The following PDZD2 variants were observed in gnomAD, a reference collection of about 807,000 sequenced individuals.
The protein encoded by PDZD2 is PDZ domain containing 2.
Under a neutral mutation model 220.7 loss-of-function variants are expected in PDZD2, and 90 were observed. That is an observed-to-expected ratio of 0.41 (90% CI 0.34 to 0.49). The LOEUF (loss-of-function observed/expected upper bound fraction) is 0.49, where lower values mean the gene tolerates loss of function less well. Ranked by LOEUF, PDZD2 falls within the 20% of genes least tolerant of loss-of-function variation. The pLI is 0.28. For synonymous variants in PDZD2, 1,375 were observed against 1,450.5 expected (o/e 0.95, Z 1.18); for missense variants, 3,174 against 3,608.5 (o/e 0.88, Z 3.08).
chr5:31,767,147 G>A (rs557748272), intron 1 of PDZD2, among the ~76,000 whole-genome samples: 24 of 149,078 alleles, frequency 1.6e-4, no homozygotes, highest in Non-Finnish European at 2.5e-4. Context: ...TTCTCCTGCC[G>A]TAGCCTCCCG....
intron 3 of PDZD2, among the ~76,000 whole-genome samples, chr5:31,989,117 G>T (rs1750973360): frequency 6.6e-6 from 1 of 152,164 alleles, no homozygotes; most frequent in Non-Finnish European, 1.5e-5. Flanking sequence ...ATTACGTAGT[G>T]ATGAAGTTCA....
rs1350902608 is a variant in PDZD2, at chr5:31,880,148, T to C, written c.476+80424T>C. Among the ~76,000 whole-genome samples the C allele has an allele frequency of 2.6e-5, 4 of 152,104 alleles. No individual in the cohort carries two copies. The South Asian group carries it at 8.3e-4, about 32-fold the overall frequency. On this transcript the variant is annotated intron_variant, in intron 2 of 24. Coordinates refer to ENST00000438447, the MANE Select transcript of PDZD2 (RefSeq NM_178140.4). ...CATGTTGGCCAAGCTGGCCTTGAAC[T>C]CCTCACCTCGTGATCCACCCACCTT...
At chr5:32,058,942 T>TAC (rs1219394359) in intron 12 of PDZD2, among the ~76,000 whole-genome samples, 2 of 152,188 alleles carry the variant, frequency 1.3e-5, no homozygotes, top group African/African-American at 4.8e-5. Context: ...ATAAAAACGT[T>TAC]ACTTATAGCC....
intron 1 of PDZD2, among the ~76,000 whole-genome samples, chr5:31,711,122 A>G (rs1469067477): frequency 6.6e-6 from 1 of 152,184 alleles, no homozygotes; most frequent in East Asian, 1.9e-4. Context: ...AGCTAAAGGC[A>G]TTTCTAGACA....
chr5:31,645,239 A>G (rs1030705654), intron 1 of PDZD2, among the ~76,000 whole-genome samples: 5 of 152,042 alleles, frequency 3.3e-5, no homozygotes, highest in African/African-American at 7.2e-5. Flanking sequence ...CGTCCATGGC[A>G]TATTTGGCCC....
intron 2 of PDZD2, among the ~76,000 whole-genome samples, chr5:31,972,595 G>C (rs1749405639): frequency 6.6e-6 from 1 of 152,186 alleles, no homozygotes; most frequent in Non-Finnish European, 1.5e-5. Flanking sequence ...GCTTGTAGTA[G>C]TTATTCAGTA....
intron 2 of PDZD2, among the ~76,000 whole-genome samples, chr5:31,928,186 T>C (rs1257223287): frequency 6.6e-6 from 1 of 152,186 alleles, no homozygotes; most frequent in Admixed American, 6.5e-5. Context: ...TTCAAAGCAC[T>C]GCTTCCCTAA....
intron 2 of PDZD2, among the ~76,000 whole-genome samples, chr5:31,877,416 G>C (rs1739401595): frequency 6.6e-6 from 1 of 151,882 alleles, no homozygotes; most frequent in South Asian, 2.1e-4. Context: ...ATGGGATCTT[G>C]CTGCATTGCC....
chr5:31,818,047 G>T (rs936982171), intron 2 of PDZD2, among the ~76,000 whole-genome samples: 26 of 138,434 alleles, frequency 1.9e-4, no homozygotes, highest in African/African-American at 6.9e-4. Flanking sequence ...ACGGCTCACC[G>T]CAGCCTCAAC....
intron 1 of PDZD2, chr5:31,661,632 T>A (rs1745765748): frequency 6.6e-6 from 1 of 152,216 alleles, no homozygotes; most frequent in African/African-American, 2.4e-5. Flanking sequence ...TGTGATCACT[T>A]TTCCATCTTG....
chr5:31,969,826 T>C (rs549491072), intron 2 of PDZD2, among the ~76,000 whole-genome samples: 1 of 152,290 alleles, frequency 6.6e-6, no homozygotes. Context: ...GATCTTTTCA[T>C]GGACCAGCAT....
At chr5:31,755,554 C>T (rs611599) in intron 1 of PDZD2, among the ~76,000 whole-genome samples, 24,961 of 151,786 alleles carry the variant, frequency 0.16, 4,521 homozygotes, top group African/African-American at 0.43. Context: ...TCCAACTCCA[C>T]GCATCAGTAA....
chr5:31,717,699 G>A (rs755789387), intron 1 of PDZD2, among the ~76,000 whole-genome samples: 4 of 152,174 alleles, frequency 2.6e-5, no homozygotes, highest in Non-Finnish European at 5.9e-5. Context: ...AGAGTGGGAC[G>A]TCCCCATTCC....
Position 32,052,710 on chromosome 5 carries a change from T to C in PDZD2, c.1765T>C (p.Leu589=). Residue 589 remains leucine (L), a synonymous_variant, in exon 9 of 25, where the codon TTG becomes CTG. Coordinates refer to ENST00000438447, the MANE Select transcript of PDZD2 (RefSeq NM_178140.4). ...IRPSVISIIG[L]YKEKGKGLGF... ...GCCATCCGTCATCTCGATCATTGGG[T>C]TGTACAAAGAAAAAGGCAAGGTGAG... is the stretch of plus-strand genomic sequence containing the variant. 1 of 1,614,088 alleles carries C rather than the reference T, an allele frequency of 6.2e-7. No individual in the cohort carries two copies. The highest frequency in any genetic ancestry group is 8.5e-7 in the Non-Finnish European group (1 of 1,179,896).
chr5:31,689,355 T>A (rs9968729), intron 1 of PDZD2, among the ~76,000 whole-genome samples: 3,110 of 20,368 alleles, frequency 0.15, 81 homozygotes, highest in African/African-American at 0.16. Flanking sequence ...ATATATATAT[T>A]TTTTTTTTTT....
intron 2 of PDZD2, among the ~76,000 whole-genome samples, chr5:31,881,485 C>A (rs1739921483): frequency 1.3e-5 from 2 of 151,214 alleles, no homozygotes; most frequent in Non-Finnish European, 2.9e-5. Context: ...TTAAGCCATT[C>A]TCCTGCCTCA....
rs749798560 is a variant in PDZD2, at chr5:32,058,022, G to A, written c.2119G>A (p.Asp707Asn). ...TGGGGGAGCCTCAGCGGGAGGTTCC[G>A]ATGAAGGCAGTTCTTCATCCCTGGG... ...TSGGASAGGSDEGSSSSLGRK... is the reference protein window; with the variant it reads ...TSGGASAGGSNEGSSSSLGRK... Residue 707 changes from aspartate to asparagine, a missense_variant, in exon 12 of 25, where the codon GAT becomes AAT. Physicochemically the swap from Asp to Asn is conservative, Grantham distance 23 (BLOSUM62 1). Around this residue, in one of 4 missense-constraint regions of PDZD2, gnomAD observed 1,861 missense variants for 2,001.0 expected, o/e 0.93. Transcript: ENST00000438447. 8.1e-6 allele frequency: 13 copies of A among 1,612,820 alleles called. No homozygotes were observed. Among genetic ancestry groups the A allele is most frequent in the South Asian group, 4.4e-5 (4 of 91,056 alleles).
intron 2 of PDZD2, among the ~76,000 whole-genome samples, chr5:31,846,835 T>C (rs1423305155): frequency 2.0e-5 from 3 of 152,238 alleles, no homozygotes; most frequent in African/African-American, 7.2e-5. Flanking sequence ...TTCAGCTTTT[T>C]ACAGCTGCAT....
intron 2 of PDZD2, among the ~76,000 whole-genome samples, chr5:31,948,199 T>C (rs181011068): frequency 2.2e-4 from 34 of 152,274 alleles, no homozygotes; most frequent in Admixed American, 2.0e-3. Flanking sequence ...GCCCTTTTTG[T>C]GGTGGCTTTC....
Sources: gnomAD v4.1 joint callset for allele counts (sites outside exome capture counted in the v4.1 genomes callset) on GRCh38, gnomAD v4.1.1 for gene constraint, gnomAD v4.1.1 regional missense constraint, MANE v1.5 for transcripts, NCBI Gene and HGNC (gene_info 2026-07-23, HGNC 2026-07-21) for gene names.